The following NRAP variants were observed in gnomAD, a reference collection of about 807,000 sequenced individuals.
The protein encoded by NRAP is nebulin related anchoring protein.
A neutral mutation model predicts 225.9 loss-of-function variants in NRAP; 189 were observed. The ratio of observed to expected loss-of-function variants is 0.84; its 90% confidence interval spans 0.74 to 0.94. NRAP has a LOEUF of 0.94. NRAP is among the 40% of genes least tolerant of loss of function. NRAP has a pLI of 0.00. For synonymous variants in NRAP, 769 were observed against 790.7 expected (o/e 0.97, Z 0.46); for missense variants, 2,176 against 2,168.7 (o/e 1.00, Z -0.07).
chr10:113,648,301 GA>G (rs1849703684), intron 9 of NRAP, among the ~76,000 whole-genome samples: 1 of 152,112 alleles, frequency 6.6e-6, no homozygotes, highest in African/African-American at 2.4e-5. Flanking sequence ...TTGCCTGGCT[GA>G]CAGAAGGTTC....
intron 22 of NRAP, 130 bp downstream of exon 22, chr10:113,624,696 T>G (rs896604595): frequency 2.9e-6 from 2 of 680,570 alleles, no homozygotes; most frequent in Middle Eastern, 2.7e-4. Flanking sequence ...GGTGAGCTGT[T>G]TTTACAACAA....
chr10:113,615,039 G>T (rs1397481391), intron 27 of NRAP, 93 bp from the exon 28 acceptor site: 8 of 791,650 alleles, frequency 1.0e-5, no homozygotes, highest in Non-Finnish European at 1.8e-5. Flanking sequence ...GTTTGTGGTG[G>T]GTCCCCTCCC....
chr10:113,608,597 T>C lies in NRAP; in HGVS notation c.3604-85A>G. On this transcript the variant is annotated intron_variant, in intron 31 of 41. Coordinates refer to ENST00000359988, the MANE Select transcript of NRAP (RefSeq NM_198060.4). ...GAACCAGTTCTTTAAGTATTAGCCA[T>C]AAAGCCTCGTTTTGCAAAGGCTGCA... The C allele has an allele frequency of 4.7e-6, 4 of 859,172 alleles. No individual in the cohort carries two copies. The East Asian group carries it at 7.3e-5, about 16-fold the overall frequency. 53.2% of individuals were successfully genotyped at this position (859,172 alleles called of 1,614,324 possible). A position where few individuals can be genotyped will look rare whatever the true frequency, so the allele number is the denominator to read the frequency against.
At chr10:113,636,831 AC>A (rs886713191) in intron 14 of NRAP, among the ~76,000 whole-genome samples, 27 of 152,062 alleles carry the variant, frequency 1.8e-4, no homozygotes, top group Non-Finnish European at 1.9e-4. Context: ...ACATAGTGAA[AC>A]CTTGTCTCTA....
intron 7 of NRAP, among the ~76,000 whole-genome samples, chr10:113,650,946 T>C (rs1309485068): frequency 6.6e-6 from 1 of 152,240 alleles, no homozygotes; most frequent in East Asian, 1.9e-4. Flanking sequence ...TGTGCTTCAA[T>C]GTCCCATTCA....
chr10:113,605,085 C>A (rs1484478555), intron 34 of NRAP, among the ~76,000 whole-genome samples, 165 bp from the exon 35 acceptor site: 2 of 152,122 alleles, frequency 1.3e-5, no homozygotes, highest in Non-Finnish European at 2.9e-5. Flanking sequence ...ATTAAAACAT[C>A]GCTCCATTCT....
intron 11 of NRAP, among the ~76,000 whole-genome samples, chr10:113,643,760 G>A (rs933141760): frequency 6.6e-6 from 1 of 152,152 alleles, no homozygotes; most frequent in African/African-American, 2.4e-5. Flanking sequence ...ACATAAGGAC[G>A]TAAAGAAATG....
At chr10:113,621,444 A>C (rs756252393) in intron 24 of NRAP, among the ~76,000 whole-genome samples, 3 of 151,924 alleles carry the variant, frequency 2.0e-5, no homozygotes, top group Non-Finnish European at 4.4e-5. Context: ...CTGGGAGGGG[A>C]GGATAAGGAG....
intron 13 of NRAP, among the ~76,000 whole-genome samples, chr10:113,640,546 T>C (rs1449975090): frequency 1.3e-5 from 2 of 152,208 alleles, no homozygotes; most frequent in Non-Finnish European, 2.9e-5. Context: ...CTGTAGCACA[T>C]TTACTTTATA....
intron 9 of NRAP, among the ~76,000 whole-genome samples, chr10:113,648,465 CTCTATATA>C (rs1849728601): frequency 9.5e-6 from 1 of 105,226 alleles, no homozygotes; most frequent in African/African-American, 3.6e-5. Context: ...CTCTCTCTCT[CTCTATATA>C]TATATATATA....
At chr10:113,608,378 T>A (rs1847121694) in intron 32 of NRAP, 36 bp downstream of exon 32, 2 of 1,348,880 alleles carry the variant, frequency 1.5e-6, no homozygotes, top group South Asian at 2.4e-5. Flanking sequence ...GAGCAGTTTT[T>A]AAAAAGACCA....
chr10:113,624,831 T>C lies in NRAP; in HGVS notation c.2344A>G (p.Ser782Gly). 1 of 1,609,088 alleles carries C rather than the reference T, an allele frequency of 6.2e-7. No homozygotes were observed. The highest frequency in any genetic ancestry group is 8.5e-7 in the Non-Finnish European group (1 of 1,175,394). The change falls in exon 22 of 42, where the codon AGC becomes GGC. Residue 782 changes from serine (S) to glycine (G), a missense_variant. Ser to Gly is a moderately conservative substitution (Grantham distance 56). This residue lies in a region of NRAP where 1,708 missense variants were observed against 1,695.5 expected (regional missense o/e 1.01). Coordinates refer to ENST00000359988, the MANE Select transcript of NRAP (RefSeq NM_198060.4). ...CCCACTCATTCTCTCTGTACCTCGC[T>C]GAGATTTGCAGCATTGGCTCGGGCC... ...LQARANAANL[S>G]EKLYKSSWEN... is the part of the protein sequence containing the mutation.
At chr10:113,609,412 C>T (rs1417518640) in intron 31 of NRAP, among the ~76,000 whole-genome samples, 1 of 152,192 alleles carries the variant, frequency 6.6e-6, no homozygotes, top group Non-Finnish European at 1.5e-5. Context: ...TATCTGAGCA[C>T]TCAGGCTGAC....
intron 30 of NRAP, 147 bp from the exon 31 acceptor site, chr10:113,610,710 C>G: frequency 1.7e-6 from 1 of 574,980 alleles, no homozygotes; most frequent in Non-Finnish European, 3.1e-6. Context: ...ATATATTAAA[C>G]TCAGCCAACG....
intron 20 of NRAP, 66 bp from the exon 21 acceptor site, chr10:113,626,211 G>GC (rs1157397298): frequency 1.2e-5 from 11 of 951,784 alleles, no homozygotes; most frequent in African/African-American, 3.3e-5. Context: ...CTACTCATGT[G>GC]CCCCCACACA....
intron 38 of NRAP, 74 bp from the exon 39 acceptor site, chr10:113,592,375 G>C: frequency 1.0e-6 from 1 of 981,538 alleles, no homozygotes; most frequent in East Asian, 2.6e-5. Context: ...GTACTCAGCA[G>C]GAGTGGTTCT....
At chr10:113,663,535 C>T (rs1045301873) in intron 1 of NRAP, 89 bp from the exon 2 acceptor site, 15 of 839,960 alleles carry the variant, frequency 1.8e-5, no homozygotes, top group Middle Eastern at 4.6e-4. Flanking sequence ...AAATGAACTT[C>T]GAGGATAAAA....
chr10:113,632,186 T>C (rs1162159214), intron 16 of NRAP, among the ~76,000 whole-genome samples: 1 of 152,206 alleles, frequency 6.6e-6, no homozygotes, highest in African/African-American at 2.4e-5. Context: ...AGAAGCCCCA[T>C]GTGTTGCTCC....
chr10:113,645,889 G>C lies in NRAP; in HGVS notation c.1046C>G (p.Ser349Trp). 1 of 1,610,806 alleles carries C rather than the reference G, an allele frequency of 6.2e-7. No individual in the cohort carries two copies. The highest frequency in any genetic ancestry group is 8.5e-7 in the Non-Finnish European group (1 of 1,178,150). Residue 349 changes from serine to tryptophan, a missense_variant, in exon 11 of 42, where the codon TCG becomes TGG. This residue lies in a region of NRAP where 1,708 missense variants were observed against 1,695.5 expected (regional missense o/e 1.01). Transcript: ENST00000359988. ...AACCAAGTTGTCTTGAGCTGGAAGC[G>C]AGTGATAATGTGCAGCGCCTTTCAT... The part of the protein sequence containing the change: ...NKMKGAAHYH[S>W]LPAQDNLVLK...
Sources: gnomAD v4.1 joint callset for allele counts (sites outside exome capture counted in the v4.1 genomes callset) on GRCh38, gnomAD v4.1.1 for gene constraint, gnomAD v4.1.1 regional missense constraint, MANE v1.5 for transcripts, NCBI Gene and HGNC (gene_info 2026-07-23, HGNC 2026-07-21) for gene names.